Variants in MLIP observed in about 807,000 individuals in gnomAD.
MLIP encodes muscular LMNA-interacting protein.
Under a neutral mutation model 84.8 loss-of-function variants are expected in MLIP, and 79 were observed. The observed-to-expected ratio is 0.93, with a 90% CI of 0.78 to 1.12. The LOEUF (loss-of-function observed/expected upper bound fraction) is 1.12. MLIP is among the 50% of genes most tolerant of loss of function. MLIP has a pLI of 0.00. For missense variants in MLIP, 1,257 were observed against 1,160.6 expected, an observed-to-expected ratio of 1.08 and a Z score of -1.21; for synonymous variants, 504 against 463.0, an observed-to-expected ratio of 1.09 and a Z score of -1.14.
chr6:54,211,816 C>A (rs1779470987), intron 11 of MLIP, among the ~76,000 whole-genome samples: 1 of 152,184 alleles, frequency 6.6e-6, no homozygotes, highest in Non-Finnish European at 1.5e-5. Flanking sequence ...CATTGAGAAA[C>A]CCTGGACTAG....
intron 11 of MLIP, among the ~76,000 whole-genome samples, 169 bp from the exon 12 acceptor site, chr6:54,230,545 A>C (rs1780917668): frequency 1.3e-5 from 2 of 152,170 alleles, no homozygotes; most frequent in African/African-American, 2.4e-5. Context: ...TGAAAGAGAC[A>C]CACAATATAC....
rs769029125 is a variant in MLIP at position 54,137,162 on chromosome 6, C to T, written c.1093C>T (p.Pro365Ser). 3.3e-6 allele frequency: 5 copies of T among 1,536,000 alleles called. No individual in the cohort carries two copies. In the Admixed American group the frequency reaches 9.8e-5, roughly 30 times the overall value. ...SLKSNSASYI[P>S]VRIVTHSLSP... is the part of the protein sequence containing the mutation. ...GAAGTCGAATTCGGCCTCGTACATA[C>T]CAGTCCGCATTGTCACGCATTCACT... Residue 365 changes from proline to serine, a missense_variant, in exon 4 of 14, where the codon CCA (proline) becomes TCA (serine). Physicochemically the swap from Pro to Ser is moderately conservative, Grantham distance 74. Coordinates refer to ENST00000502396, the MANE Select transcript of MLIP (RefSeq NM_001281747.2).
intron 12 of MLIP, among the ~76,000 whole-genome samples, chr6:54,255,835 T>C (rs998692030): frequency 1.3e-5 from 2 of 152,162 alleles, no homozygotes; most frequent in African/African-American, 4.8e-5. Flanking sequence ...GATTAGAAGG[T>C]TGGACGTTTG....
chr6:54,115,354 G>A (rs1391442898), intron 1 of MLIP, among the ~76,000 whole-genome samples: 5 of 152,096 alleles, frequency 3.3e-5, no homozygotes, highest in Non-Finnish European at 7.4e-5. Flanking sequence ...TTTTGAAGCT[G>A]GTTAAGAAGA....
Position 54,137,447 on chromosome 6 carries a change from C to T in MLIP, c.1378C>T (p.Pro460Ser). 1 of 1,536,046 alleles carries T rather than the reference C, an allele frequency of 6.5e-7. No homozygotes were observed. Among genetic ancestry groups the T allele is most frequent in the Non-Finnish European group, 8.7e-7 (1 of 1,146,882 alleles). The change falls in exon 4 of 14, where the codon CCC (proline) becomes TCC (serine). Residue 460 changes from proline to serine, a missense_variant. Pro to Ser is a moderately conservative substitution (Grantham distance 74). Transcript: ENST00000502396. ...TLDQKEKQTP[P>S]TPKKSLSSCS... The stretch of plus-strand genomic sequence containing the variant: ...TGACCAAAAAGAAAAGCAGACCCCA[C>T]CCACGCCTAAAAAATCTCTCTCAAG...
In MLIP at chr6:54,121,430, A is replaced by G. The variant is rs1770440552; in HGVS notation, c.97-17A>G. On this transcript the variant is annotated splice_polypyrimidine_tract_variant and intron_variant, in intron 1 of 13. Transcript: ENST00000502396. The stretch of plus-strand genomic sequence containing the variant: ...CTTTGACAAGGCTGAAAGTCTAATT[A>G]ACTACATGTCTCATAGGTCTCTGCT... 1 of 1,611,592 alleles carries G rather than the reference A, an allele frequency of 6.2e-7. No individual in the cohort carries two copies.
At chr6:54,091,017 G>T (rs1767836168) in intron 1 of MLIP, among the ~76,000 whole-genome samples, 1 of 152,012 alleles carries the variant, frequency 6.6e-6, no homozygotes, top group African/African-American at 2.4e-5. Flanking sequence ...TATCTTCGTT[G>T]CCAGGAACCG....
chr6:54,202,646 A>C (rs1778774102), intron 11 of MLIP, among the ~76,000 whole-genome samples: 1 of 152,076 alleles, frequency 6.6e-6, no homozygotes, highest in Non-Finnish European at 1.5e-5. Flanking sequence ...TAATCCCAGC[A>C]CTTTGGGAAG....
At chr6:54,022,439 A>G (rs1763547871) in intron 1 of MLIP, among the ~76,000 whole-genome samples, 1 of 152,096 alleles carries the variant, frequency 6.6e-6, no homozygotes, top group Non-Finnish European at 1.5e-5. Flanking sequence ...TTTATTTTTG[A>G]GTTGCATTTT....
chr6:54,248,068 A>T (rs1398849479), intron 12 of MLIP, among the ~76,000 whole-genome samples: 1 of 152,076 alleles, frequency 6.6e-6, no homozygotes, highest in Non-Finnish European at 1.5e-5. Context: ...GATTCCAAAA[A>T]CATTTATGGA....
chr6:54,126,116 G>C lies in MLIP; in HGVS notation c.645+1251G>C, dbSNP rs1041853633. On this transcript the variant is annotated intron_variant, in intron 3 of 13. Transcript: ENST00000502396. ...AATGTATTCCCAATATGCTGTGATA[G>C]GTTTAAATATTTCTTTCTTGCCTCA... is the stretch of plus-strand genomic sequence containing the variant. Among the ~76,000 whole-genome samples, 14 of 151,866 alleles carry C rather than the reference G, an allele frequency of 9.2e-5. No homozygotes were observed. In the East Asian group the frequency reaches 2.7e-3, roughly 29 times the overall value.
At position 54,065,126 on chromosome 6, in the gene MLIP, G is replaced by T. The variant is rs1312708905; in HGVS notation, c.63+46035G>T. On this transcript the variant is annotated intron_variant, in intron 1 of 12. Transcript: ENST00000274897. Reference sequence around the variant, plus strand: ...ATCCTAGTTCTGTTAGAACAAAGTTGTACATTTTTGGACAATAAACTTCTT... The same window carrying T: ...ATCCTAGTTCTGTTAGAACAAAGTTTTACATTTTTGGACAATAAACTTCTT... Among the ~76,000 whole-genome samples the T allele has an allele frequency of 1.7e-4, 17 of 100,154 alleles. 7 individuals carry two copies. The highest frequency in any genetic ancestry group is 1.2e-3 in the Admixed American group (13 of 10,806). 65.7% of individuals were successfully genotyped at this position (100,154 alleles called of 152,430 possible).
intron 1 of MLIP, among the ~76,000 whole-genome samples, chr6:54,080,417 T>C (rs911400518): frequency 1.1e-4 from 17 of 152,214 alleles, no homozygotes; most frequent in Non-Finnish European, 1.3e-4. Flanking sequence ...AAAATGAGGT[T>C]GACAACTGAT....
chr6:54,155,371 G>T (rs1773910154), intron 5 of MLIP, among the ~76,000 whole-genome samples: 1 of 152,018 alleles, frequency 6.6e-6, no homozygotes, highest in African/African-American at 2.4e-5. Flanking sequence ...CAAATAGCAG[G>T]TCATATTAAC....
intron 1 of MLIP, among the ~76,000 whole-genome samples, chr6:54,056,260 G>T (rs1193660418): frequency 6.6e-6 from 1 of 151,996 alleles, no homozygotes; most frequent in Non-Finnish European, 1.5e-5. Context: ...TTCAGTTTTG[G>T]CTCTAAGTTG....
At chr6:54,063,030 C>T (rs971197762) in intron 1 of MLIP, among the ~76,000 whole-genome samples, 2 of 151,838 alleles carry the variant, frequency 1.3e-5, no homozygotes, top group African/African-American at 2.4e-5. Flanking sequence ...GGTGAATCCC[C>T]GTCTCTACTA....
At chr6:54,160,488 A>C (rs766718370) in intron 6 of MLIP, 28 bp from the exon 7 acceptor site, 3 of 1,611,620 alleles carry the variant, frequency 1.9e-6, no homozygotes, top group Non-Finnish European at 2.5e-6. Flanking sequence ...CTTATTGCTA[A>C]CCCAGTACCT....
At chr6:54,062,895 G>A (rs1429871924) in intron 1 of MLIP, among the ~76,000 whole-genome samples, 1 of 152,080 alleles carries the variant, frequency 6.6e-6, no homozygotes, top group Non-Finnish European at 1.5e-5. Flanking sequence ...TAATGTGCAG[G>A]GCTAGAATTA....
intron 13 of MLIP, among the ~76,000 whole-genome samples, chr6:54,258,900 G>T (rs1783200485): frequency 6.6e-6 from 1 of 151,836 alleles, no homozygotes; most frequent in African/African-American, 2.4e-5. Context: ...ATTATTCTCT[G>T]TCTGGTATCT....
Sources: allele counts gnomAD v4.1 joint callset (sites outside exome capture counted in the v4.1 genomes callset), GRCh38; gene constraint gnomAD v4.1.1; transcripts MANE v1.5; gene names NCBI Gene and HGNC (gene_info 2026-07-23, HGNC 2026-07-21).